The following RNF180 variants were observed in gnomAD, a reference collection of about 807,000 sequenced individuals.
RNF180 encodes the protein E3 ubiquitin-protein ligase RNF180.
A neutral mutation model predicts 59.2 loss-of-function variants in RNF180; 38 were observed. That is an observed-to-expected ratio of 0.64 (90% CI 0.50 to 0.84). The LOEUF (loss-of-function observed/expected upper bound fraction) is 0.84. Ranked by LOEUF, RNF180 falls within the 40% of genes least tolerant of loss-of-function variation. RNF180 has a pLI of 0.00. For synonymous variants in RNF180, 262 were observed against 240.3 expected, an observed-to-expected ratio of 1.09 and a Z score of -0.84; for missense variants, 705 against 700.9, an observed-to-expected ratio of 1.01 and a Z score of -0.07.
Position 64,369,654 on chromosome 5 carries a change from T to C in RNF180, c.1619T>C (p.Phe540Ser). Residue 540 changes from phenylalanine to serine, a missense_variant, in exon 8 of 8, where the codon TTC (phenylalanine) becomes TCC (serine). Phe to Ser is a radical substitution (Grantham distance 155). Transcript: ENST00000389100. ...RHAAPVTRRQ[F>S]PHGAHRMDYL... Reference sequence around the variant, plus strand: ...GCAGCTCCAGTTACAAGAAGGCAGTTCCCACACGGTGCACACAGGATGGAT... The same window carrying C: ...GCAGCTCCAGTTACAAGAAGGCAGTCCCCACACGGTGCACACAGGATGGAT... The C allele has an allele frequency of 6.5e-7, 1 of 1,534,196 alleles. No homozygotes were observed. The highest frequency in any genetic ancestry group is 8.8e-7 in the Non-Finnish European group (1 of 1,141,384).
intron 5 of RNF180, among the ~76,000 whole-genome samples, chr5:64,295,060 G>A (rs1418293567): frequency 2.6e-5 from 4 of 152,126 alleles, no homozygotes; most frequent in Non-Finnish European, 4.4e-5. Context: ...TTAAATGTAA[G>A]TGTTATGTTT....
intron 5 of RNF180, among the ~76,000 whole-genome samples, chr5:64,282,669 G>A (rs1237077553): frequency 1.3e-5 from 2 of 151,960 alleles, no homozygotes; most frequent in Admixed American, 6.5e-5. Flanking sequence ...TGGGTGTTTA[G>A]CATTATGAAC....
chr5:64,277,716 G>A (rs901506615), intron 5 of RNF180, among the ~76,000 whole-genome samples: 3 of 152,096 alleles, frequency 2.0e-5, no homozygotes, highest in Non-Finnish European at 2.9e-5. Context: ...CATTTTGCAA[G>A]ATGACTGACA....
chr5:64,201,611 T>C (rs1472646996), intron 2 of RNF180, among the ~76,000 whole-genome samples: 2 of 152,240 alleles, frequency 1.3e-5, no homozygotes, highest in African/African-American at 4.8e-5. Flanking sequence ...CATACTCAGC[T>C]TTTTGGTTTT....
At chr5:64,273,932 G>T (rs1330162045) in intron 5 of RNF180, among the ~76,000 whole-genome samples, 1 of 151,972 alleles carries the variant, frequency 6.6e-6, no homozygotes, top group Non-Finnish European at 1.5e-5. Context: ...TATTGGAATT[G>T]TTCCCACAGA....
chr5:64,233,448 G>A (rs1226540880), intron 5 of RNF180, among the ~76,000 whole-genome samples: 7 of 152,074 alleles, frequency 4.6e-5, no homozygotes, highest in Non-Finnish European at 5.9e-5. Flanking sequence ...AAAAATTAAC[G>A]AGAAATTAAT....
chr5:64,359,929 A>G (rs1746183833), intron 7 of RNF180, among the ~76,000 whole-genome samples: 1 of 152,048 alleles, frequency 6.6e-6, no homozygotes, highest in African/African-American at 2.4e-5. Flanking sequence ...CAGGTTTGTC[A>G]AAGATCAGAT....
At chr5:64,257,817 A>G (rs1744073803) in intron 5 of RNF180, among the ~76,000 whole-genome samples, 1 of 152,212 alleles carries the variant, frequency 6.6e-6, no homozygotes. Flanking sequence ...CACAGTCAAC[A>G]TTAGAGAGAT....
chr5:64,253,292 A>G (rs897787460), intron 5 of RNF180, among the ~76,000 whole-genome samples: 7 of 152,146 alleles, frequency 4.6e-5, no homozygotes, highest in Non-Finnish European at 7.3e-5. Context: ...TGAAGTTTCT[A>G]TCTCCTGTAA....
intron 5 of RNF180, among the ~76,000 whole-genome samples, chr5:64,221,804 T>C (rs1741353221): frequency 1.3e-5 from 2 of 152,120 alleles, no homozygotes; most frequent in Admixed American, 1.3e-4. Context: ...TAGGATAGTT[T>C]TGGATTTATA....
At chr5:64,280,891 G>A (rs1457000783) in intron 5 of RNF180, among the ~76,000 whole-genome samples, 1 of 152,174 alleles carries the variant, frequency 6.6e-6, no homozygotes, top group African/African-American at 2.4e-5. Flanking sequence ...GCTTTGGGCT[G>A]TATGGCCATT....
chr5:64,170,094 G>A (rs1175516389), intron 1 of RNF180, among the ~76,000 whole-genome samples: 2 of 152,222 alleles, frequency 1.3e-5, no homozygotes, highest in African/African-American at 2.4e-5. Context: ...GGTTGCCTGT[G>A]TATAAGGTTG....
At chr5:64,368,036 A>G (rs1746518258) in intron 7 of RNF180, among the ~76,000 whole-genome samples, 1 of 151,732 alleles carries the variant, frequency 6.6e-6, no homozygotes, top group South Asian at 2.1e-4. Context: ...TAAATACACA[A>G]AAGAAAATTG....
chr5:64,347,780 G>A (rs891883935), intron 7 of RNF180, among the ~76,000 whole-genome samples: 5 of 152,018 alleles, frequency 3.3e-5, no homozygotes, highest in East Asian at 1.9e-4. Flanking sequence ...TTGCCTTTAC[G>A]AGTGTCAGGA....
At chr5:64,197,424 T>A (rs1447895879) in intron 1 of RNF180, among the ~76,000 whole-genome samples, 2 of 152,182 alleles carry the variant, frequency 1.3e-5, no homozygotes, top group Admixed American at 6.5e-5. Context: ...GTTGTTTGCC[T>A]TTTTCACTGT....
chr5:64,283,553 C>T (rs1742122443), intron 5 of RNF180, among the ~76,000 whole-genome samples: 1 of 152,096 alleles, frequency 6.6e-6, no homozygotes, highest in Admixed American at 6.5e-5. Flanking sequence ...AGGGCAGGAC[C>T]AGGTGGAGGT....
intron 1 of RNF180, among the ~76,000 whole-genome samples, chr5:64,182,656 A>G (rs1750662403): frequency 1.3e-5 from 2 of 152,230 alleles, no homozygotes; most frequent in Admixed American, 1.3e-4. Flanking sequence ...CTGTCTCCAG[A>G]GGCATTTACT....
chr5:64,183,095 A>G lies in RNF180; in HGVS notation c.-1+17142A>G, dbSNP rs371435829. ...ACCATCAGCTTAGAATTCTCTGTCA[A>G]AACTTCAATGCATCTCACTCTTCTC... On this transcript the variant is annotated intron_variant, in intron 1 of 7. Coordinates refer to ENST00000389100, the MANE Select transcript of RNF180 (RefSeq NM_001113561.2). Among the ~76,000 whole-genome samples the G allele has an allele frequency of 3.9e-5, 6 of 152,322 alleles. No individual in the cohort carries two copies. The South Asian group carries it at 6.2e-4, about 16-fold the overall frequency.
At chr5:64,180,844 C>G (rs956691250) in intron 1 of RNF180, among the ~76,000 whole-genome samples, 2 of 152,140 alleles carry the variant, frequency 1.3e-5, no homozygotes, top group Admixed American at 1.3e-4. Context: ...TTCCTGTGTT[C>G]CCAGCAAATT....
Sources: allele counts gnomAD v4.1 joint callset (sites outside exome capture counted in the v4.1 genomes callset), GRCh38; gene constraint gnomAD v4.1.1; transcripts MANE v1.5; gene names NCBI Gene and HGNC (gene_info 2026-07-23, HGNC 2026-07-21).